Variants in BPTF observed in about 807,000 individuals in gnomAD.
BPTF encodes the protein bromodomain PHD finger transcription factor, also known as nucleosome-remodeling factor subunit BPTF.
In BPTF, 18 loss-of-function variants were observed where a neutral mutation model predicts 292.5. The observed-to-expected ratio is 0.06, with a 90% CI of 0.04 to 0.09. The LOEUF (loss-of-function observed/expected upper bound fraction) is 0.09. BPTF is among the 10% of genes least tolerant of loss of function. The probability of loss-of-function intolerance (pLI) is 1.00; values close to 1 mark genes in which losing one functional copy is unlikely to be tolerated. For missense variants in BPTF, 2,726 were observed against 3,498.7 expected (o/e 0.78, Z 5.57); for synonymous variants, 1,225 against 1,251.9 (o/e 0.98, Z 0.45).
intron 24 of BPTF, among the ~76,000 whole-genome samples, chr17:67,961,872 G>C (rs1336514127): frequency 1.3e-5 from 2 of 152,088 alleles, no homozygotes. Flanking sequence ...TACTCGGGAG[G>C]CCGAGTCAGG....
intron 15 of BPTF, among the ~76,000 whole-genome samples, chr17:67,925,363 A>G (rs1211586296): frequency 6.6e-6 from 1 of 152,134 alleles, no homozygotes; most frequent in Non-Finnish European, 1.5e-5. Flanking sequence ...GTGTTTTCAT[A>G]CTATAAATAA....
chr17:67,877,728 C>T (rs1293159685), intron 4 of BPTF, among the ~76,000 whole-genome samples: 2 of 152,114 alleles, frequency 1.3e-5, no homozygotes, highest in African/African-American at 4.8e-5. Flanking sequence ...AAGTGATCCT[C>T]CCACCTCAGC....
chr17:67,856,703 G>C (rs1337345946), intron 2 of BPTF, among the ~76,000 whole-genome samples: 3 of 152,184 alleles, frequency 2.0e-5, no homozygotes, highest in African/African-American at 4.8e-5. Flanking sequence ...CCTGTGTCCT[G>C]CTTGAAGCAT....
intron 7 of BPTF, among the ~76,000 whole-genome samples, chr17:67,895,332 CAAAAAAAAAAAAAAA>C (rs35234780): frequency 1.8e-5 from 1 of 56,648 alleles, no homozygotes. Context: ...GACTTCATCT[CAAAAAAAAAAAAAAA>C]AAAAAAAAAG....
At chr17:67,941,679 A>T (rs1250022168) in intron 19 of BPTF, among the ~76,000 whole-genome samples, 1 of 152,196 alleles carries the variant, frequency 6.6e-6, no homozygotes, top group Non-Finnish European at 1.5e-5. Context: ...AAACTGTGAA[A>T]TTGGACCATT....
At position 67,915,366 on chromosome 17, in the gene BPTF, A is replaced by G. The variant is rs9898795; in HGVS notation, c.5303+2179A>G. On this transcript the variant is annotated intron_variant, in intron 11 of 27. Coordinates refer to ENST00000306378, the MANE Select transcript of BPTF (RefSeq NM_182641.4). ...AGCTAAGGGACTTGGTAACTACTGCAGCAAGGAGCGGGGAAAGCATTTGTC... is the reference window on the plus strand; with the variant it reads ...AGCTAAGGGACTTGGTAACTACTGCGGCAAGGAGCGGGGAAAGCATTTGTC... Among the ~76,000 whole-genome samples, 1,477 of 152,330 alleles carry G rather than the reference A, an allele frequency of 9.7e-3. 19 individuals carry two copies. Among genetic ancestry groups the G allele is most frequent in the African/African-American group, 0.032 (1,340 of 41,582 alleles).
chr17:67,935,512 T>C (rs2064840389), intron 18 of BPTF, among the ~76,000 whole-genome samples: 1 of 151,994 alleles, frequency 6.6e-6, no homozygotes, highest in South Asian at 2.1e-4. Flanking sequence ...CCAAAAAAAT[T>C]AGACCATTAT....
chr17:67,977,335 C>T (rs1274061529), intron 27 of BPTF, among the ~76,000 whole-genome samples: 1 of 151,792 alleles, frequency 6.6e-6, no homozygotes, highest in Non-Finnish European at 1.5e-5. Flanking sequence ...ACCAACATGG[C>T]AAAACCCCAT....
In BPTF at chr17:67,832,405, TAGTA is replaced by T. The variant is rs1204426786; in HGVS notation, c.613+6072_613+6075del. On this transcript the variant is annotated intron_variant, in intron 1 of 27. Transcript: ENST00000306378. ...TCTAAAATTTTTATGTTTTTCTAGA[TAGTA>T]AGTTATATTCAACTATTATTTTGTG... Among the ~76,000 whole-genome samples, 20 of 152,350 alleles carry T rather than the reference TAGTA, an allele frequency of 1.3e-4. No individual in the cohort carries two copies. The East Asian group carries it at 2.3e-3, about 18-fold the overall frequency.
At chr17:67,862,922 G>GT (rs1454858510) in intron 2 of BPTF, among the ~76,000 whole-genome samples, 2 of 151,532 alleles carry the variant, frequency 1.3e-5, no homozygotes, top group East Asian at 1.9e-4. Context: ...GGCAGCTTAG[G>GT]TTTTTTCTAT....
chr17:67,923,678 C>G (rs1043150302), intron 14 of BPTF, among the ~76,000 whole-genome samples: 2 of 150,916 alleles, frequency 1.3e-5, no homozygotes, highest in African/African-American at 4.9e-5. Context: ...CGGGGTTTCA[C>G]CATGTTGGCC....
intron 9 of BPTF, among the ~76,000 whole-genome samples, chr17:67,908,913 C>T (rs957165333): frequency 4.8e-5 from 7 of 144,626 alleles, no homozygotes; most frequent in East Asian, 2.1e-4. Context: ...CAGCTCACTG[C>T]GACCTCCGCC....
rs377147094 is a variant in BPTF at position 67,866,450 on chromosome 17, C to G, written c.1437-14C>G. On this transcript the variant is annotated splice_polypyrimidine_tract_variant and intron_variant, in intron 2 of 27. Transcript: ENST00000306378. The stretch of plus-strand genomic sequence containing the variant: ...TGTCTAACATATAAAGTATTTCCCC[C>G]CATTTTTAAACAGAGAAGAAGATAC... 375 of 1,559,590 alleles carry G rather than the reference C, an allele frequency of 2.4e-4. No individual in the cohort carries two copies. Among genetic ancestry groups the G allele is most frequent in the Non-Finnish European group, 3.2e-4 (362 of 1,131,446 alleles).
intron 13 of BPTF, among the ~76,000 whole-genome samples, chr17:67,920,388 G>A (rs1400195013): frequency 3.3e-5 from 5 of 152,176 alleles, no homozygotes; most frequent in Admixed American, 3.3e-4. Context: ...TAATTAAGAT[G>A]TGAGACATTG....
rs530765434 is a variant in BPTF at position 67,867,545 on chromosome 17, C to G, written c.1660+858C>G. On this transcript the variant is annotated intron_variant, in intron 3 of 27. Transcript: ENST00000306378. ...TTCATTCCAATTTCCTTAGTTTTTA[C>G]CTGATGTCCTTTTTCTGCCTCATGA... 2.6e-5 allele frequency among the ~76,000 whole-genome samples: 4 copies of G among 152,238 alleles called. No individual in the cohort carries two copies. In the South Asian group the frequency reaches 8.3e-4, roughly 32 times the overall value.
intron 25 of BPTF, chr17:67,965,117 G>A (rs60626066): frequency 0.13 from 20,158 of 151,724 alleles, 2,356 homozygotes; most frequent in East Asian, 0.65. Context: ...TGAGGCGGGT[G>A]GATCACAAGG....
chr17:67,902,908 A>C (rs763109690), intron 7 of BPTF, among the ~76,000 whole-genome samples: 10 of 152,098 alleles, frequency 6.6e-5, no homozygotes, highest in Non-Finnish European at 1.3e-4. Flanking sequence ...CTTAGAGACA[A>C]GAGCTCCTTT....
intron 11 of BPTF, among the ~76,000 whole-genome samples, chr17:67,915,903 C>T (rs778561197): frequency 2.0e-5 from 3 of 152,088 alleles, no homozygotes; most frequent in African/African-American, 7.2e-5. Flanking sequence ...GCAGACTTAC[C>T]GTGCATGTGG....
intron 25 of BPTF, 97 bp from the exon 26 acceptor site, chr17:67,966,475 A>T: frequency 9.5e-7 from 1 of 1,056,604 alleles, no homozygotes; most frequent in East Asian, 2.4e-5. Flanking sequence ...CAAATTTAAA[A>T]CTCACTTTTG....
Sources: gnomAD v4.1 joint callset for allele counts (sites outside exome capture counted in the v4.1 genomes callset) on GRCh38, gnomAD v4.1.1 for gene constraint, MANE v1.5 for transcripts, NCBI Gene and HGNC (gene_info 2026-07-23, HGNC 2026-07-21) for gene names.